The following PALS2 variants were observed in gnomAD, a reference collection of about 807,000 sequenced individuals.
PALS2 encodes the protein protein PALS2.
Under a neutral mutation model 61.6 loss-of-function variants are expected in PALS2, and 27 were observed. The ratio of observed to expected loss-of-function variants is 0.44; its 90% CI spans 0.32 to 0.60. PALS2 has a LOEUF of 0.60. PALS2 is among the 20% of genes least tolerant of loss of function. The pLI is 0.05. For missense variants in PALS2, 554 were observed against 639.4 expected (o/e 0.87, Z 1.44); for synonymous variants, 236 against 218.6 (o/e 1.08, Z -0.70).
intron 9 of PALS2, among the ~76,000 whole-genome samples, chr7:24,674,770 C>T (rs1787473424): frequency 6.6e-6 from 1 of 152,008 alleles, no homozygotes; most frequent in Admixed American, 6.6e-5. Context: ...ACAAAATGAT[C>T]CTAAGATAAA....
intron 4 of PALS2, among the ~76,000 whole-genome samples, chr7:24,650,036 C>G (rs969960807): frequency 7.2e-5 from 11 of 152,028 alleles, no homozygotes; most frequent in African/African-American, 2.4e-4. Flanking sequence ...TCTTCCTACC[C>G]TTTGAAGACA....
At chr7:24,617,551 G>T (rs1438271686) in intron 1 of PALS2, among the ~76,000 whole-genome samples, 2 of 152,160 alleles carry the variant, frequency 1.3e-5, no homozygotes, top group Non-Finnish European at 2.9e-5. Context: ...TAGAGTATTG[G>T]TTGCGTGGGG....
chr7:24,623,859 AT>A, intron 2 of PALS2, 75 bp downstream of exon 2: 1 of 1,187,482 alleles, frequency 8.4e-7, no homozygotes, highest in Non-Finnish European at 1.2e-6. Flanking sequence ...AGATATTACT[AT>A]TTTAGAATTT....
intron 6 of PALS2, 42 bp from the exon 7 acceptor site, chr7:24,665,546 A>G: frequency 6.3e-7 from 1 of 1,577,312 alleles, no homozygotes; most frequent in South Asian, 1.1e-5. Context: ...ATGGTCTCAA[A>G]TTTTGGTCAC....
Position 24,691,596 on chromosome 7 carries a change from G to A in PALS2, c.*3982G>A, listed in dbSNP as rs969005296. The A allele has an allele frequency of 4.6e-5, 7 of 150,882 alleles. No homozygotes were observed. In the East Asian group the frequency reaches 7.7e-4, roughly 17 times the overall value. 9.3% of individuals were successfully genotyped at this position (150,882 alleles called of 1,614,324 possible). On this transcript the variant is annotated 3_prime_UTR_variant, in exon 12 of 12. Transcript: ENST00000222644. ...AACTTTTTTTAGATTGTTTTAAAACGCTCTGGTTCCACCTTGAAGCTGATA... is the reference window on the plus strand; with the variant it reads ...AACTTTTTTTAGATTGTTTTAAAACACTCTGGTTCCACCTTGAAGCTGATA...
intron 5 of PALS2, among the ~76,000 whole-genome samples, chr7:24,655,741 G>A (rs534774599): frequency 6.7e-6 from 1 of 148,528 alleles, no homozygotes; most frequent in Admixed American, 6.8e-5. Context: ...GCTCACTGCA[G>A]CCTCCACCGC....
At chr7:24,629,180 G>A (rs1425326137) in intron 2 of PALS2, among the ~76,000 whole-genome samples, 2 of 152,130 alleles carry the variant, frequency 1.3e-5, no homozygotes, top group Non-Finnish European at 2.9e-5. Context: ...CCTCAGAAAT[G>A]ACATGACACA....
At chr7:24,648,064 T>G (rs1785934480) in intron 3 of PALS2, among the ~76,000 whole-genome samples, 1 of 152,170 alleles carries the variant, frequency 6.6e-6, no homozygotes, top group Admixed American at 6.5e-5. Flanking sequence ...TCCTTACATA[T>G]GGATTTATGA....
At chr7:24,647,669 A>T (rs1467979074) in intron 3 of PALS2, among the ~76,000 whole-genome samples, 1 of 152,332 alleles carries the variant, frequency 6.6e-6, no homozygotes, top group South Asian at 2.1e-4. Flanking sequence ...TCTACTGAAG[A>T]GGCAGGAATG....
intron 9 of PALS2, among the ~76,000 whole-genome samples, chr7:24,678,834 G>T (rs1787763778): frequency 6.6e-6 from 1 of 152,128 alleles, no homozygotes; most frequent in Non-Finnish European, 1.5e-5. Context: ...AAGGTATCAA[G>T]AAACTTTTCT....
chr7:24,653,705 TGAAA>T (rs1394785512), intron 5 of PALS2, among the ~76,000 whole-genome samples: 2 of 152,200 alleles, frequency 1.3e-5, no homozygotes, highest in Non-Finnish European at 2.9e-5. Flanking sequence ...TCAGTTTTCC[TGAAA>T]GAAAGTAGAA....
chr7:24,673,075 C>T (rs1054821808), intron 9 of PALS2, among the ~76,000 whole-genome samples: 3 of 152,052 alleles, frequency 2.0e-5, no homozygotes, highest in African/African-American at 7.2e-5. Flanking sequence ...GGAGAAGTTC[C>T]CTTCTGTTCC....
intron 2 of PALS2, among the ~76,000 whole-genome samples, chr7:24,635,099 T>C (rs888849637): frequency 2.0e-5 from 3 of 152,232 alleles, no homozygotes; most frequent in Admixed American, 6.5e-5. Context: ...TGTCAATTTC[T>C]ATAAACATGT....
At chr7:24,647,190 A>T (rs886381908) in intron 3 of PALS2, among the ~76,000 whole-genome samples, 1 of 149,408 alleles carries the variant, frequency 6.7e-6, no homozygotes, top group Admixed American at 6.7e-5. Context: ...TGTGTTGTCC[A>T]GGCTGGAGTG....
At chr7:24,661,936 G>A (rs1246795793) in intron 5 of PALS2, among the ~76,000 whole-genome samples, 1 of 151,930 alleles carries the variant, frequency 6.6e-6, no homozygotes, top group East Asian at 1.9e-4. Flanking sequence ...TGTCTTATCC[G>A]CCAACTAAAT....
At chr7:24,664,632 T>G (rs978738962) in intron 6 of PALS2, among the ~76,000 whole-genome samples, 1 of 152,298 alleles carries the variant, frequency 6.6e-6, no homozygotes. Flanking sequence ...ATCTTACTTA[T>G]GTGTCCTTAA....
At chr7:24,613,721 C>G (rs1272898312) in intron 1 of PALS2, among the ~76,000 whole-genome samples, 1 of 151,740 alleles carries the variant, frequency 6.6e-6, no homozygotes, top group African/African-American at 2.4e-5. Flanking sequence ...TGTCCTTTAT[C>G]ACATCTCTTC....
At position 24,691,992 on chromosome 7, in the gene PALS2, G is replaced by A. The variant is rs1788498644; in HGVS notation, c.*4378G>A. 1 of 152,092 alleles carries A rather than the reference G, an allele frequency of 6.6e-6. No homozygotes were observed. The highest frequency in any genetic ancestry group is 1.5e-5 in the Non-Finnish European group (1 of 67,976). 9.4% of individuals were successfully genotyped at this position (152,092 alleles called of 1,614,324 possible). On this transcript the variant is annotated 3_prime_UTR_variant, in exon 12 of 12. Coordinates refer to ENST00000222644, the MANE Select transcript of PALS2 (RefSeq NM_001303037.2). ...TTATGCAAGCATATATTGTATACCT[G>A]AGGAAGATGACAGTTCTATAATTTT... is the stretch of plus-strand genomic sequence containing the variant.
rs897177722 is a variant in PALS2 at position 24,596,655 on chromosome 7, A to G, written c.-3+23062A>G. On this transcript the variant is annotated intron_variant, in intron 1 of 11. Transcript: ENST00000222644. This position sits in a 1 kb window ranked among gnomAD's most constrained non-coding sequence, Gnocchi z 4.5. ...AAAATTTACTCAAAGCAGGACTACT[A>G]CATTGTGAGAGTAAATTGGCAACAG... Among the ~76,000 whole-genome samples, 2 of 152,168 alleles carry G rather than the reference A, an allele frequency of 1.3e-5. No homozygotes were observed. The highest frequency in any genetic ancestry group is 6.6e-5 in the Admixed American group (1 of 15,260).
Sources: gnomAD v4.1 joint callset for allele counts (sites outside exome capture counted in the v4.1 genomes callset) on GRCh38, gnomAD v4.1.1 for gene constraint, Gnocchi (gnomAD v3.1) non-coding constraint, MANE v1.5 for transcripts, NCBI Gene and HGNC (gene_info 2026-07-23, HGNC 2026-07-21) for gene names.